Variants in WWOX observed in about 807,000 individuals in gnomAD.
WWOX encodes WW domain-containing oxidoreductase.
Under a neutral mutation model 46.2 loss-of-function variants are expected in WWOX, and 69 were observed. That is an observed-to-expected ratio of 1.49 (90% confidence interval 1.23 to 1.82). The LOEUF is 1.82. Among genes scored for constraint, WWOX ranks in the 40% most tolerant of loss-of-function variants. The pLI, the probability that WWOX is intolerant of heterozygous loss-of-function variation, is 0.00. For missense variants in WWOX, 919 were observed against 542.6 expected (o/e 1.69, Z -6.89); for synonymous variants, 359 against 202.6 (o/e 1.77, Z -6.56).
At chr16:79,104,031 C>CT (rs1412383264) in intron 8 of WWOX, among the ~76,000 whole-genome samples, 12 of 21,106 alleles carry the variant, frequency 5.7e-4, no homozygotes, top group African/African-American at 1.4e-3. Flanking sequence ...TGGTGGTGCC[C>CT]TTTTTTGGGG....
intron 5 of WWOX, among the ~76,000 whole-genome samples, chr16:78,190,666 G>T (rs1159034322): frequency 6.6e-6 from 1 of 152,162 alleles, no homozygotes. Flanking sequence ...ACACTGGCAT[G>T]GCAGGGGGAA....
At chr16:78,572,616 A>AC (rs908771037) in intron 8 of WWOX, among the ~76,000 whole-genome samples, 11 of 151,396 alleles carry the variant, frequency 7.3e-5, no homozygotes, top group African/African-American at 2.7e-4. Context: ...AAAAAAAAAA[A>AC]AAAAAAAAAA....
chr16:78,628,085 A>G (rs2046349941), intron 8 of WWOX, among the ~76,000 whole-genome samples: 1 of 152,270 alleles, frequency 6.6e-6, no homozygotes, highest in African/African-American at 2.4e-5. Context: ...ATTTTCAAGG[A>G]GCAGTAGATA....
intron 8 of WWOX, among the ~76,000 whole-genome samples, chr16:78,853,822 A>G (rs2151183210): frequency 6.6e-6 from 1 of 152,226 alleles, no homozygotes; most frequent in South Asian, 2.1e-4. Flanking sequence ...GTAATAATTT[A>G]ATAGCGAAGC....
At chr16:78,687,282 C>G (rs1007334732) in intron 8 of WWOX, among the ~76,000 whole-genome samples, 1 of 152,066 alleles carries the variant, frequency 6.6e-6, no homozygotes, top group African/African-American at 2.4e-5. Context: ...ATCTCCATGT[C>G]GTAATTCTAA....
intron 8 of WWOX, among the ~76,000 whole-genome samples, chr16:78,991,109 A>C (rs757157872): frequency 1.3e-5 from 2 of 152,226 alleles, no homozygotes; most frequent in Non-Finnish European, 2.9e-5. Context: ...GTTGTGGAGA[A>C]GGAAAAGTGA....
At chr16:78,638,926 C>G (rs2042430) in intron 8 of WWOX, among the ~76,000 whole-genome samples, 136,748 of 152,076 alleles carry the variant, frequency 0.9, 61,918 homozygotes, top group Non-Finnish European at 0.96. Flanking sequence ...TGAGAGATAT[C>G]AGTGTAAAAC....
At chr16:78,629,331 G>T (rs960661071) in intron 8 of WWOX, among the ~76,000 whole-genome samples, 7 of 151,880 alleles carry the variant, frequency 4.6e-5, no homozygotes, top group Non-Finnish European at 8.8e-5. Flanking sequence ...TAGCAATGTA[G>T]GGTGAATTCC....
rs183018112 is a variant in WWOX, at chr16:78,723,195, T to C, written c.1056+290443T>C. On this transcript the variant is annotated intron_variant, in intron 8 of 8. Transcript: ENST00000566780. The stretch of plus-strand genomic sequence containing the variant: ...ACATTTCCCTCTGATTGTCAGGCTT[T>C]CTTAGCAGCTACAGAATACTTATTT... 4.9e-3 allele frequency among the ~76,000 whole-genome samples: 744 copies of C among 152,350 alleles called. 5 individuals carry two copies. Among genetic ancestry groups the C allele is most frequent in the Non-Finnish European group, 7.5e-3 (510 of 68,030 alleles).
rs1158452894 is a variant in WWOX at position 78,268,266 on chromosome 16, C to T, written c.516+103977C>T. Among the ~76,000 whole-genome samples, 3 of 152,092 alleles carry T rather than the reference C, an allele frequency of 2.0e-5. No homozygotes were observed. In the East Asian group the frequency reaches 5.8e-4, roughly 29 times the overall value. ...AAAAAAAAGTAGCATTCTATTTTTC[C>T]CCATTGGTAAGTAGTACAAATTTGA... On this transcript the variant is annotated intron_variant, in intron 5 of 8. Coordinates refer to ENST00000566780, the MANE Select transcript of WWOX (RefSeq NM_016373.4).
intron 6 of WWOX, among the ~76,000 whole-genome samples, chr16:78,417,280 A>G (rs1273425244): frequency 1.3e-5 from 2 of 151,630 alleles, no homozygotes; most frequent in East Asian, 1.9e-4. Flanking sequence ...TTTTGTAGAG[A>G]TGAGGTCTTG....
At chr16:78,420,634 G>A (rs2082903607) in intron 6 of WWOX, among the ~76,000 whole-genome samples, 1 of 147,812 alleles carries the variant, frequency 6.8e-6, no homozygotes, top group Non-Finnish European at 1.5e-5. Flanking sequence ...TAGATAGAGG[G>A]TGGCTAGTGA....
chr16:78,369,788 T>A (rs993952182), intron 5 of WWOX, among the ~76,000 whole-genome samples: 4 of 152,032 alleles, frequency 2.6e-5, no homozygotes, highest in Admixed American at 6.6e-5. Context: ...TAGTAATGTG[T>A]ATGGTGATGG....
intron 5 of WWOX, among the ~76,000 whole-genome samples, chr16:78,324,178 C>A (rs965342167): frequency 1.3e-5 from 2 of 152,056 alleles, no homozygotes; most frequent in African/African-American, 4.8e-5. Flanking sequence ...CTGCTTTCCT[C>A]AAGGCAAGGA....
At chr16:78,703,895 G>T (rs909866350) in intron 8 of WWOX, among the ~76,000 whole-genome samples, 1 of 151,986 alleles carries the variant, frequency 6.6e-6, no homozygotes, top group Non-Finnish European at 1.5e-5. Flanking sequence ...TCTCTCAGTG[G>T]GAAAGAGTTT....
At chr16:78,712,865 T>G (rs143374590) in intron 8 of WWOX, among the ~76,000 whole-genome samples, 3 of 152,154 alleles carry the variant, frequency 2.0e-5, no homozygotes, top group Non-Finnish European at 4.4e-5. Flanking sequence ...GTTGGCCGAC[T>G]GTGGGTTCAT....
At chr16:79,178,214 T>C (rs957986476) in intron 8 of WWOX, among the ~76,000 whole-genome samples, 4 of 152,158 alleles carry the variant, frequency 2.6e-5, no homozygotes, top group Non-Finnish European at 5.9e-5. Flanking sequence ...AATACACAAA[T>C]GAACAAGTGA....
chr16:78,461,184 G>C (rs943201398), intron 8 of WWOX, among the ~76,000 whole-genome samples: 2 of 152,128 alleles, frequency 1.3e-5, no homozygotes, highest in African/African-American at 2.4e-5. Context: ...ATGAATTGTG[G>C]CCTTAACTTT....
At chr16:78,939,174 G>T (rs1942864752) in intron 8 of WWOX, among the ~76,000 whole-genome samples, 1 of 152,142 alleles carries the variant, frequency 6.6e-6, no homozygotes, top group Non-Finnish European at 1.5e-5. Context: ...ATGCCTCCCA[G>T]AACAGTTTAT....
Sources: allele counts gnomAD v4.1 joint callset (sites outside exome capture counted in the v4.1 genomes callset), GRCh38; gene constraint gnomAD v4.1.1; transcripts MANE v1.5; gene names NCBI Gene and HGNC (gene_info 2026-07-23, HGNC 2026-07-21).